The following NCKAP5 variants were observed in gnomAD, a reference collection of about 807,000 sequenced individuals.
NCKAP5 encodes NCK associated protein 5, also known as nck-associated protein 5.
In NCKAP5, 92 loss-of-function variants were observed where a neutral mutation model predicts 167.0. That is an observed-to-expected ratio of 0.55 (90% CI 0.47 to 0.66). The LOEUF is 0.66. Among genes scored for constraint, NCKAP5 ranks in the 30% least tolerant of loss-of-function variants. NCKAP5 has a pLI of 0.00. For synonymous variants in NCKAP5, 891 were observed against 877.4 expected (o/e 1.02, Z -0.27); for missense variants, 2,378 against 2,315.0 (o/e 1.03, Z -0.56).
chr2:133,503,383 C>G (rs546826485), intron 3 of NCKAP5, among the ~76,000 whole-genome samples: 45 of 152,288 alleles, frequency 3.0e-4, no homozygotes, highest in Middle Eastern at 3.4e-3. Context: ...CTTGCCTCAT[C>G]TGATCCTTAT....
At chr2:132,676,283 C>CTTTTTTTTTTTTTTTTTTTTTTT (rs61213029) in intron 19 of NCKAP5, among the ~76,000 whole-genome samples, 1 of 61,136 alleles carries the variant, frequency 1.6e-5, no homozygotes. Context: ...TTGTTTTATC[C>CTTTTTTTTTTTTTTTTTTTTTTT]TTTTTTTTTT....
intron 11 of NCKAP5, among the ~76,000 whole-genome samples, chr2:132,802,049 A>G (rs1288208933): frequency 6.6e-6 from 1 of 152,206 alleles, no homozygotes; most frequent in African/African-American, 2.4e-5. Flanking sequence ...AAGTGCTAGG[A>G]TTACAGGCAT....
At chr2:133,175,919 C>A (rs41482948) in intron 5 of NCKAP5, among the ~76,000 whole-genome samples, 20 of 152,148 alleles carry the variant, frequency 1.3e-4, no homozygotes, top group Non-Finnish European at 2.6e-4. Context: ...CTTGCTTCCC[C>A]ATTATTAGCA....
intron 8 of NCKAP5, among the ~76,000 whole-genome samples, chr2:132,939,693 C>T (rs1424437689): frequency 6.6e-6 from 1 of 152,066 alleles, no homozygotes; most frequent in Non-Finnish European, 1.5e-5. Flanking sequence ...AAGCAGTGTA[C>T]ATTGTACTCA....
chr2:133,040,749 C>T (rs1573837711), intron 6 of NCKAP5, among the ~76,000 whole-genome samples: 1 of 152,074 alleles, frequency 6.6e-6, no homozygotes, highest in Non-Finnish European at 1.5e-5. Context: ...GGCATCTAGG[C>T]ATAACTAGAC....
chr2:133,388,316 GTT>G lies in NCKAP5; in HGVS notation c.70-85208_70-85207del, dbSNP rs199523409. On this transcript the variant is annotated intron_variant, in intron 3 of 19. Coordinates refer to ENST00000409261, the MANE Select transcript of NCKAP5 (RefSeq NM_207363.3). The stretch of plus-strand genomic sequence containing the variant: ...GTTTGCTGGAAGTCCACTCCAGACT[GTT>G]TGCCTGGGTATCAGTAGCGGAGGAT... 8.9e-3 allele frequency among the ~76,000 whole-genome samples: 1,360 copies of G among 152,316 alleles called. 26 individuals carry two copies. Among genetic ancestry groups the G allele is most frequent in the African/African-American group, 0.031 (1,302 of 41,572 alleles).
At chr2:132,920,795 A>ATGTG (rs1558943499) in intron 8 of NCKAP5, among the ~76,000 whole-genome samples, 1 of 100,452 alleles carries the variant, frequency 1.0e-5, no homozygotes, top group African/African-American at 4.0e-5. Context: ...ATATATATAT[A>ATGTG]TATATATATA....
intron 3 of NCKAP5, among the ~76,000 whole-genome samples, chr2:133,427,321 A>C (rs2151112570): frequency 6.6e-6 from 1 of 152,348 alleles, no homozygotes; most frequent in Middle Eastern, 3.4e-3. Context: ...TAAGCAAAAC[A>C]TTAATGACTG....
At position 133,137,956 on chromosome 2, in the gene NCKAP5, G is replaced by A. The variant is rs146506447; in HGVS notation, c.208-7845C>T. Among the ~76,000 whole-genome samples, 1,384 of 152,240 alleles carry A rather than the reference G, an allele frequency of 9.1e-3. 24 individuals are homozygous for A. The highest frequency in any genetic ancestry group is 0.031 in the African/African-American group (1,278 of 41,538). ...TTTCCCCATTGGCTGAGGTGGGGTC[G>A]TACAATCTAATCTTGGTTAGCTAAA... On this transcript the variant is annotated intron_variant, in intron 5 of 19. Coordinates refer to ENST00000409261, the MANE Select transcript of NCKAP5 (RefSeq NM_207363.3).
chr2:133,409,351 A>G (rs1268468586), intron 3 of NCKAP5, among the ~76,000 whole-genome samples: 2 of 152,224 alleles, frequency 1.3e-5, no homozygotes, highest in Non-Finnish European at 1.5e-5. Flanking sequence ...CTAGAAGCAG[A>G]CGCTAAACAT....
chr2:132,998,289 C>A (rs949936491), intron 6 of NCKAP5, among the ~76,000 whole-genome samples: 13 of 152,156 alleles, frequency 8.5e-5, no homozygotes, highest in African/African-American at 2.9e-4. Flanking sequence ...ATCTATTCAC[C>A]TTTCCCCCAT....
At chr2:133,484,404 T>C (rs1680723988) in intron 3 of NCKAP5, among the ~76,000 whole-genome samples, 4 of 152,248 alleles carry the variant, frequency 2.6e-5, no homozygotes, top group Admixed American at 6.5e-5. Flanking sequence ...AGCCACCTGG[T>C]GTTGCTCACA....
Position 132,748,993 on chromosome 2 carries a change from T to C in NCKAP5, c.5129-16942A>G, listed in dbSNP as rs118189284. 2.6e-5 allele frequency among the ~76,000 whole-genome samples: 4 copies of C among 152,120 alleles called. No individual in the cohort carries two copies. In the East Asian group the frequency reaches 7.7e-4, roughly 29 times the overall value. On this transcript the variant is annotated intron_variant, in intron 16 of 19. Coordinates refer to ENST00000409261, the MANE Select transcript of NCKAP5 (RefSeq NM_207363.3). ...GAGATGGGGTTTCAGGGTCTTGAAC[T>C]CCTGACCTCAGGTGATCCACCCCTA... is the stretch of plus-strand genomic sequence containing the variant.
intron 5 of NCKAP5, among the ~76,000 whole-genome samples, chr2:133,179,877 C>G (rs559705514): frequency 1.3e-5 from 2 of 151,782 alleles, no homozygotes; most frequent in Non-Finnish European, 2.9e-5. Context: ...TTCAGATTTA[C>G]GTCCTCAGAG....
At chr2:132,935,584 T>C (rs1483226513) in intron 8 of NCKAP5, among the ~76,000 whole-genome samples, 2 of 152,054 alleles carry the variant, frequency 1.3e-5, no homozygotes, top group Non-Finnish European at 2.9e-5. Flanking sequence ...GGGGCGAGTC[T>C]ATCACACCGG....
intron 3 of NCKAP5, among the ~76,000 whole-genome samples, chr2:133,308,136 T>C (rs1680926202): frequency 7.1e-6 from 1 of 141,046 alleles, no homozygotes; most frequent in African/African-American, 2.7e-5. Context: ...TCGCCCAGGC[T>C]GGAGTGCAGT....
chr2:133,595,221 T>A, the NCKAP5 span, among the ~76,000 whole-genome samples: 1 of 152,162 alleles, frequency 6.6e-6, no homozygotes, highest in African/African-American at 2.4e-5. Context: ...GTGGTTGATA[T>A]CACTTTTGTT....
chr2:132,881,388 T>G (rs1250607606), intron 8 of NCKAP5, among the ~76,000 whole-genome samples: 7 of 152,062 alleles, frequency 4.6e-5, no homozygotes, highest in Non-Finnish European at 8.8e-5. Flanking sequence ...TTGGCCAGGC[T>G]GGTCTTGAAC....
intron 3 of NCKAP5, among the ~76,000 whole-genome samples, chr2:133,500,039 C>T (rs985602328): frequency 6.6e-6 from 1 of 151,980 alleles, no homozygotes; most frequent in Admixed American, 6.6e-5. Context: ...AGAATGCATT[C>T]TATCATTTAA....
Sources: allele counts gnomAD v4.1 joint callset (sites outside exome capture counted in the v4.1 genomes callset), GRCh38; gene constraint gnomAD v4.1.1; transcripts MANE v1.5; gene names NCBI Gene and HGNC (gene_info 2026-07-23, HGNC 2026-07-21).